Variants in TPP2 observed in about 807,000 individuals in gnomAD.
The protein encoded by TPP2 is tripeptidyl peptidase 2, also known as tripeptidyl-peptidase 2.
Under a neutral mutation model 155.9 loss-of-function variants are expected in TPP2, and 34 were observed. The observed-to-expected ratio is 0.22, with a 90% CI of 0.17 to 0.29. The LOEUF is 0.29. TPP2 is among the 10% of genes least tolerant of loss of function. The pLI, the probability that TPP2 is intolerant of heterozygous loss-of-function variation, is 1.00. For synonymous variants in TPP2, 510 were observed against 529.4 expected (o/e 0.96, Z 0.50); for missense variants, 1,028 against 1,522.3 (o/e 0.68, Z 5.40).
chr13:102,664,227 T>A (rs956098520), intron 26 of TPP2, among the ~76,000 whole-genome samples: 1 of 152,144 alleles, frequency 6.6e-6, no homozygotes, highest in African/African-American at 2.4e-5. Flanking sequence ...GGGTTTAGAG[T>A]GAACCAGAGG....
chr13:102,639,249 A>C (rs1407641352), intron 15 of TPP2, among the ~76,000 whole-genome samples: 2 of 152,186 alleles, frequency 1.3e-5, no homozygotes, highest in African/African-American at 4.8e-5. Flanking sequence ...GATGAAGGTG[A>C]GATTGGGATT....
intron 27 of TPP2, among the ~76,000 whole-genome samples, chr13:102,669,362 C>T (rs768466444): frequency 3.9e-5 from 6 of 152,086 alleles, no homozygotes; most frequent in Non-Finnish European, 7.4e-5. Context: ...CCACATATGA[C>T]AAAATTGCTG....
rs926851520 is a variant in TPP2, at chr13:102,646,486, A to T, written c.2490+96A>T. 2.2e-5 allele frequency: 17 copies of T among 789,290 alleles called. No individual in the cohort carries two copies. The Admixed American group carries it at 6.0e-4, about 28-fold the overall frequency. The allele number at this position is 789,290 out of a possible 1,614,324, so 48.9% of individuals were successfully genotyped here. ...AAAATGGAAGGACAGTGTATATGGT[A>T]TATATAAAAAACAGAATCAAGTGAT... On this transcript the variant is annotated intron_variant, in intron 20 of 29. Coordinates refer to ENST00000376052, the MANE Select transcript of TPP2 (RefSeq NM_001330588.2).
At chr13:102,663,800 GTT>G in intron 26 of TPP2, 56 bp downstream of exon 26, 2 of 1,351,900 alleles carry the variant, frequency 1.5e-6, no homozygotes, top group Non-Finnish European at 2.0e-6. Flanking sequence ...ATAAGTTTGT[GTT>G]TTGAGGAAAA....
chr13:102,631,127 T>A (rs969265500), intron 10 of TPP2, among the ~76,000 whole-genome samples: 1 of 152,124 alleles, frequency 6.6e-6, no homozygotes, highest in Non-Finnish European at 1.5e-5. Flanking sequence ...CAGTGTAAAG[T>A]TTTTTGAGGA....
chr13:102,671,963 A>G (rs1489318999), intron 27 of TPP2, among the ~76,000 whole-genome samples: 1 of 152,206 alleles, frequency 6.6e-6, no homozygotes, highest in Non-Finnish European at 1.5e-5. Context: ...ATGAAACCCT[A>G]GCCTGAACAA....
chr13:102,637,394 A>G (rs745836091), intron 14 of TPP2, among the ~76,000 whole-genome samples, 155 bp downstream of exon 14: 1 of 152,220 alleles, frequency 6.6e-6, no homozygotes, highest in Non-Finnish European at 1.5e-5. Flanking sequence ...TGGTGTGTCT[A>G]TATTCATTTA....
At chr13:102,628,123 C>T (rs1228028139) in intron 8 of TPP2, among the ~76,000 whole-genome samples, 199 bp downstream of exon 8, 1 of 152,182 alleles carries the variant, frequency 6.6e-6, no homozygotes, top group Non-Finnish European at 1.5e-5. Context: ...CCTGTGTTCA[C>T]ATCTGTGACG....
chr13:102,636,945 T>A (rs1207671503), intron 13 of TPP2, 137 bp from the exon 14 acceptor site: 1 of 788,852 alleles, frequency 1.3e-6, no homozygotes, highest in East Asian at 2.7e-5. Flanking sequence ...TTTGACTGTT[T>A]TATTTAAGCT....
chr13:102,668,771 C>A (rs1450871780), intron 27 of TPP2, among the ~76,000 whole-genome samples: 1 of 152,140 alleles, frequency 6.6e-6, no homozygotes, highest in Non-Finnish European at 1.5e-5. Context: ...TTGCAGTGTA[C>A]AACGGAAAGC....
intron 6 of TPP2, among the ~76,000 whole-genome samples, chr13:102,626,346 T>C (rs1881622367): frequency 6.6e-6 from 1 of 152,244 alleles, no homozygotes; most frequent in Non-Finnish European, 1.5e-5. Context: ...TAGTAGTAGT[T>C]TATTGCTGTA....
intron 16 of TPP2, 100 bp from the exon 17 acceptor site, chr13:102,643,122 C>A (rs2139527422): frequency 8.8e-7 from 1 of 1,132,150 alleles, no homozygotes; most frequent in Non-Finnish European, 1.2e-6. Context: ...TATTATGTCC[C>A]TACATGGGAA....
At chr13:102,599,350 T>G (rs577745190) in intron 1 of TPP2, among the ~76,000 whole-genome samples, 5 of 152,356 alleles carry the variant, frequency 3.3e-5, no homozygotes, top group African/African-American at 1.2e-4. Context: ...ACATAGCCAG[T>G]TAAAAGAAAT....
At chr13:102,632,593 C>G (rs1212387744) in intron 10 of TPP2, among the ~76,000 whole-genome samples, 3 of 152,168 alleles carry the variant, frequency 2.0e-5, no homozygotes, top group Non-Finnish European at 4.4e-5. Context: ...TTATCATTTA[C>G]CACTTTAACA....
intron 23 of TPP2, among the ~76,000 whole-genome samples, chr13:102,651,070 T>C (rs1274085674): frequency 6.6e-6 from 1 of 152,252 alleles, no homozygotes; most frequent in Non-Finnish European, 1.5e-5. Flanking sequence ...CTAAATTTAC[T>C]ATTTTAAGAA....
intron 2 of TPP2, among the ~76,000 whole-genome samples, chr13:102,605,257 ATT>A (rs1879733680): frequency 6.6e-6 from 1 of 152,174 alleles, no homozygotes. Context: ...GCTCCTTGCC[ATT>A]GGGCCTCTCC....
intron 27 of TPP2, among the ~76,000 whole-genome samples, chr13:102,667,079 T>G (rs1595215797): frequency 6.6e-6 from 1 of 152,190 alleles, no homozygotes; most frequent in Admixed American, 6.6e-5. Flanking sequence ...CAGGAAATAC[T>G]TAGCATTTCT....
At chr13:102,653,727 A>G (rs931283009) in intron 24 of TPP2, among the ~76,000 whole-genome samples, 1 of 152,338 alleles carries the variant, frequency 6.6e-6, no homozygotes, top group African/African-American at 2.4e-5. Context: ...GATCATAAAT[A>G]GCATTCAAAT....
intron 13 of TPP2, among the ~76,000 whole-genome samples, chr13:102,636,818 A>C (rs911057705): frequency 1.3e-5 from 2 of 152,240 alleles, no homozygotes; most frequent in Non-Finnish European, 2.9e-5. Context: ...TCAGTTGAAT[A>C]CTATGACCTG....
Sources: gnomAD v4.1 joint callset for allele counts (sites outside exome capture counted in the v4.1 genomes callset) on GRCh38, gnomAD v4.1.1 for gene constraint, MANE v1.5 for transcripts, NCBI Gene and HGNC (gene_info 2026-07-23, HGNC 2026-07-21) for gene names.